Variants in SSPN observed in about 807,000 individuals in gnomAD.
The protein encoded by SSPN is sarcospan.
In SSPN, 15 loss-of-function variants were observed where a neutral mutation model predicts 19.1. That is an observed-to-expected ratio of 0.78 (90% confidence interval 0.52 to 1.21). SSPN has a LOEUF of 1.21. Ranked by LOEUF, SSPN falls within the 50% of genes most tolerant of loss-of-function variation. The pLI is 0.00. For missense variants in SSPN, 291 were observed against 314.0 expected (o/e 0.93, Z 0.55); for synonymous variants, 147 against 140.3 (o/e 1.05, Z -0.34).
chr12:26,169,578 C>CAT (rs10568499), intron 1 of SSPN, among the ~76,000 whole-genome samples: 3 of 124,454 alleles, frequency 2.4e-5, no homozygotes, highest in Middle Eastern at 3.8e-3. Flanking sequence ...GGATTCAAAT[C>CAT]ATATATATAT....
Position 26,195,900 on chromosome 12 carries a change from C to A in SSPN, c.228C>A (p.Ser76Arg). The A allele has an allele frequency of 1.3e-6, 2 of 1,578,136 alleles. No homozygotes were observed. Among genetic ancestry groups the A allele is most frequent in the Non-Finnish European group, 1.7e-6 (2 of 1,164,992 alleles). The change falls in exon 1 of 3, where the codon AGC becomes AGA. Residue 76 changes from serine (S) to arginine (R), a missense_variant. By Grantham distance (110) the Ser-to-Arg change is moderately radical (BLOSUM62 -1). Coordinates refer to ENST00000242729, the MANE Select transcript of SSPN (RefSeq NM_005086.5). ...AVTVVGFLMA[S>R]ISSSLLVRDT... ...CCGTGGTGGGCTTCCTCATGGCGAG[C>A]ATCAGCTCCTCCCTGCTAGTCAGGG...
chr12:26,149,457 C>G (rs948391964), intron 1 of SSPN, among the ~76,000 whole-genome samples: 26 of 152,320 alleles, frequency 1.7e-4, no homozygotes, highest in African/African-American at 5.8e-4. Context: ...AAAAAATCAG[C>G]TTCAGAGCAG....
intron 1 of SSPN, among the ~76,000 whole-genome samples, chr12:26,206,881 A>G (rs553136353): frequency 6.6e-6 from 1 of 152,254 alleles, no homozygotes; most frequent in Admixed American, 6.5e-5. Context: ...CACAAGAGTT[A>G]GTTAGGAGTA....
intron 1 of SSPN, among the ~76,000 whole-genome samples, chr12:26,129,165 A>T (rs1426465207): frequency 6.6e-6 from 1 of 152,312 alleles, no homozygotes; most frequent in South Asian, 2.1e-4. Flanking sequence ...AAATCTGCTT[A>T]GGGGCGTAGA....
intron 1 of SSPN, among the ~76,000 whole-genome samples, chr12:26,138,820 A>G (rs939111462): frequency 1.3e-5 from 2 of 152,186 alleles, no homozygotes; most frequent in Non-Finnish European, 2.9e-5. Flanking sequence ...GCATAAATTC[A>G]GGCCAATAAA....
At chr12:26,198,168 G>GT (rs1944846585) in intron 1 of SSPN, among the ~76,000 whole-genome samples, 1 of 148,808 alleles carries the variant, frequency 6.7e-6, no homozygotes, top group Non-Finnish European at 1.5e-5. Context: ...TTGAGTTTTG[G>GT]GGGGGGGTTT....
chr12:26,165,676 A>G (rs1944616453), intron 1 of SSPN, among the ~76,000 whole-genome samples: 2 of 152,228 alleles, frequency 1.3e-5, no homozygotes, highest in African/African-American at 4.8e-5. Context: ...TCTAGTCACC[A>G]TCCAATCAGA....
intron 1 of SSPN, among the ~76,000 whole-genome samples, chr12:26,174,303 A>G (rs1944669817): frequency 6.6e-6 from 1 of 152,216 alleles, no homozygotes; most frequent in Non-Finnish European, 1.5e-5. Context: ...TAAACTGCAA[A>G]TACTGACCAC....
intron 1 of SSPN, among the ~76,000 whole-genome samples, chr12:26,144,383 T>C (rs1003611560): frequency 6.6e-6 from 1 of 152,138 alleles, no homozygotes; most frequent in African/African-American, 2.4e-5. Flanking sequence ...AGAGGAGAGT[T>C]TGGTGCCTAA....
chr12:26,178,876 A>G (rs1254525667), intron 1 of SSPN, among the ~76,000 whole-genome samples: 1 of 152,254 alleles, frequency 6.6e-6, no homozygotes, highest in African/African-American at 2.4e-5. Flanking sequence ...TATCTAGACT[A>G]GATTAATTCA....
rs192904301 is a variant in SSPN at position 26,169,969 on chromosome 12, A to G, written c.-31+47817A>G. ...CCACGGATTTGACCTTAAAGACACA[A>G]ATTCCCTATTGAGGGGTTCCAGAGG... On this transcript the variant is annotated intron_variant, in intron 1 of 2. Transcript: ENST00000538142. Among the ~76,000 whole-genome samples, 459 of 152,270 alleles carry G rather than the reference A, an allele frequency of 3.0e-3. 4 individuals are homozygous for G. Among genetic ancestry groups the G allele is most frequent in the African/African-American group, 0.011 (439 of 41,542 alleles).
At chr12:26,208,354 A>G (rs1384673640) in intron 1 of SSPN, among the ~76,000 whole-genome samples, 2 of 152,146 alleles carry the variant, frequency 1.3e-5, no homozygotes, top group African/African-American at 2.4e-5. Context: ...TGGTGTTGCT[A>G]CTGGAATTGA....
At chr12:26,201,038 TATATATATTA>T (rs1288190033) in intron 1 of SSPN, among the ~76,000 whole-genome samples, 773 of 59,838 alleles carry the variant, frequency 0.013, 13 homozygotes, top group African/African-American at 0.043. Context: ...TATATATATA[TATATATATTA>T]TATATATATA....
intron 1 of SSPN, among the ~76,000 whole-genome samples, chr12:26,172,890 A>G (rs1257191303): frequency 6.6e-6 from 1 of 151,564 alleles, no homozygotes; most frequent in Non-Finnish European, 1.5e-5. Flanking sequence ...TGAATCATCT[A>G]TCTATTGTTC....
intron 1 of SSPN, among the ~76,000 whole-genome samples, chr12:26,182,262 C>T (rs1010940438): frequency 2.6e-5 from 4 of 152,182 alleles, no homozygotes; most frequent in African/African-American, 4.8e-5. Context: ...TGAGCATTCA[C>T]TATGGGGAGT....
intron 1 of SSPN, among the ~76,000 whole-genome samples, chr12:26,158,917 G>T (rs1200053687): frequency 1.3e-5 from 2 of 152,260 alleles, no homozygotes; most frequent in Non-Finnish European, 2.9e-5. Context: ...CAGAGGAGGA[G>T]ATCTGGGGTC....
chr12:26,148,129 A>G (rs1025398015), intron 1 of SSPN, among the ~76,000 whole-genome samples: 1 of 152,236 alleles, frequency 6.6e-6, no homozygotes, highest in Non-Finnish European at 1.5e-5. Context: ...CTAGCAACCC[A>G]TGAATTAACG....
chr12:26,188,993 T>C (rs1208039458), intron 1 of SSPN, among the ~76,000 whole-genome samples: 2 of 152,174 alleles, frequency 1.3e-5, no homozygotes, highest in Non-Finnish European at 2.9e-5. Context: ...GCACTGACTT[T>C]AGAGAAAGAA....
At chr12:26,124,049 A>G (rs756941879) in intron 1 of SSPN, 7 of 1,482,118 alleles carry the variant, frequency 4.7e-6, no homozygotes, top group Non-Finnish European at 6.6e-6. Context: ...GAGAGCAGCA[A>G]AGAATGAAAA....
Sources: gnomAD v4.1 joint callset for allele counts (sites outside exome capture counted in the v4.1 genomes callset) on GRCh38, gnomAD v4.1.1 for gene constraint, MANE v1.5 for transcripts, NCBI Gene and HGNC (gene_info 2026-07-23, HGNC 2026-07-21) for gene names.